LHFPL4: variants seen among roughly 807,000 people sequenced by gnomAD.
LHFPL4 encodes LHFPL tetraspan subfamily member 4 protein.
A neutral mutation model predicts 20.0 loss-of-function variants in LHFPL4; 6 were observed. The observed-to-expected ratio is 0.30, with a 90% CI of 0.16 to 0.59. The LOEUF is 0.59. Among genes scored for constraint, LHFPL4 ranks in the 20% least tolerant of loss-of-function variants. The pLI is 0.88. For missense variants in LHFPL4, 215 were observed against 331.2 expected (o/e 0.65, Z 2.72); for synonymous variants, 129 against 143.8 (o/e 0.90, Z 0.74).
intron 2 of LHFPL4, among the ~76,000 whole-genome samples, chr3:9,547,129 C>T (rs745515499): frequency 2.6e-5 from 4 of 152,230 alleles, no homozygotes; most frequent in Non-Finnish European, 4.4e-5. Flanking sequence ...GCCGGGACCA[C>T]AGGCGAGTGC....
At position 9,506,734 on chromosome 3, in the gene LHFPL4, C is replaced by A. The variant is rs1032085811; in HGVS notation, c.407-531G>T. Among the ~76,000 whole-genome samples the A allele has an allele frequency of 6.6e-6, 1 of 152,170 alleles. No individual in the cohort carries two copies. Among genetic ancestry groups the A allele is most frequent in the Non-Finnish European group, 1.5e-5 (1 of 68,028 alleles). On this transcript the variant is annotated intron_variant, in intron 2 of 3. Coordinates refer to ENST00000287585, the MANE Select transcript of LHFPL4 (RefSeq NM_198560.3). This position sits in a 1 kb window ranked among gnomAD's most constrained non-coding sequence, Gnocchi z 4.5. ...TAGCTGAGACTACAGGTGCCTCCCA[C>A]CATGTCCGGCTCATTTTTGTATTTT... is the stretch of plus-strand genomic sequence containing the variant.
intron 2 of LHFPL4, among the ~76,000 whole-genome samples, chr3:9,544,486 A>G (rs185129229): frequency 4.8e-4 from 73 of 151,940 alleles, no homozygotes; most frequent in African/African-American, 1.6e-3. Flanking sequence ...TTAGCTAGGC[A>G]TGGTGGTGGG....
intron 2 of LHFPL4, among the ~76,000 whole-genome samples, chr3:9,524,176 TTGAGTA>T (rs1258563476): frequency 6.6e-6 from 1 of 152,064 alleles, no homozygotes; most frequent in East Asian, 1.9e-4. Context: ...TTTTTCTAGT[TTGAGTA>T]TATGTCTAGG....
At chr3:9,532,081 A>AGT (rs1370246922) in intron 2 of LHFPL4, among the ~76,000 whole-genome samples, 1 of 152,138 alleles carries the variant, frequency 6.6e-6, no homozygotes, top group Non-Finnish European at 1.5e-5. Flanking sequence ...GCTGGAGTAC[A>AGT]GTGGCACAAT....
intron 2 of LHFPL4, among the ~76,000 whole-genome samples, chr3:9,507,955 A>G (rs1048943229): frequency 1.8e-4 from 28 of 152,184 alleles, no homozygotes; most frequent in Admixed American, 5.9e-4. Context: ...GGGTTACTGT[A>G]TCTGAGACCC....
At position 9,529,131 on chromosome 3, in the gene LHFPL4, C is replaced by T. The variant is rs574600588; in HGVS notation, c.407-22928G>A. ...ACAACCTCTGCCTCCCAGGTTCAAGCGATTCTTCTGCCTCAGCCTCCCAAG... is the reference window on the plus strand; with the variant it reads ...ACAACCTCTGCCTCCCAGGTTCAAGTGATTCTTCTGCCTCAGCCTCCCAAG... On this transcript the variant is annotated intron_variant, in intron 2 of 3. Transcript: ENST00000287585. Among the ~76,000 whole-genome samples the T allele has an allele frequency of 4.6e-5, 7 of 152,048 alleles. No homozygotes were observed. In the East Asian group the frequency reaches 5.8e-4, roughly 13 times the overall value.
intron 2 of LHFPL4, among the ~76,000 whole-genome samples, chr3:9,514,981 G>T (rs537026260): frequency 2.0e-4 from 30 of 152,314 alleles, no homozygotes; most frequent in African/African-American, 7.2e-4. Context: ...GGAGGTTTTG[G>T]TGTAGACATG....
intron 2 of LHFPL4, among the ~76,000 whole-genome samples, chr3:9,519,970 T>G (rs1430114920): frequency 6.6e-6 from 1 of 152,148 alleles, no homozygotes; most frequent in Non-Finnish European, 1.5e-5. Context: ...TTTTTATTAT[T>G]TATTTTCTTC....
intron 2 of LHFPL4, among the ~76,000 whole-genome samples, chr3:9,536,240 G>T (rs535611582): frequency 1.3e-5 from 2 of 152,334 alleles, no homozygotes; most frequent in Admixed American, 6.5e-5. Flanking sequence ...TCCCTACCAG[G>T]TCTGAGCACT....
intron 2 of LHFPL4, among the ~76,000 whole-genome samples, chr3:9,536,235 AC>A (rs2046443533): frequency 6.6e-6 from 1 of 152,214 alleles, no homozygotes; most frequent in South Asian, 2.1e-4. Context: ...GGCCCTCCCT[AC>A]CAGGTCTGAG....
intron 2 of LHFPL4, among the ~76,000 whole-genome samples, chr3:9,514,883 GTTTA>G (rs1466325029): frequency 1.3e-5 from 2 of 152,144 alleles, no homozygotes; most frequent in African/African-American, 2.4e-5. Context: ...ATATGCCATA[GTTTA>G]TTTATACATT....
At chr3:9,542,352 A>G (rs372953009) in intron 2 of LHFPL4, among the ~76,000 whole-genome samples, 1 of 152,228 alleles carries the variant, frequency 6.6e-6, no homozygotes, top group East Asian at 1.9e-4. Context: ...AAAAGGTGGA[A>G]CAACCCAAAT....
intron 2 of LHFPL4, among the ~76,000 whole-genome samples, chr3:9,540,045 G>T (rs2125665803): frequency 6.6e-6 from 1 of 152,294 alleles, no homozygotes; most frequent in East Asian, 1.9e-4. Context: ...ACTGTTGATA[G>T]ATCTGTCAAA....
At chr3:9,538,079 C>G (rs1183885988) in intron 2 of LHFPL4, among the ~76,000 whole-genome samples, 3 of 152,266 alleles carry the variant, frequency 2.0e-5, no homozygotes, top group Admixed American at 1.3e-4. Flanking sequence ...TAACAACTGC[C>G]TTGTCCTCAA....
intron 2 of LHFPL4, among the ~76,000 whole-genome samples, chr3:9,533,251 C>T (rs1559521030): frequency 6.6e-6 from 1 of 152,078 alleles, no homozygotes; most frequent in Non-Finnish European, 1.5e-5. Flanking sequence ...TTCACCAAAA[C>T]ATATGTGCTA....
At chr3:9,511,022 TCTGA>T (rs750455393) in intron 2 of LHFPL4, among the ~76,000 whole-genome samples, 31 of 151,926 alleles carry the variant, frequency 2.0e-4, no homozygotes, top group Non-Finnish European at 3.4e-4. Context: ...GTGCTAAGTT[TCTGA>T]CTTTCATTAT....
intron 2 of LHFPL4, among the ~76,000 whole-genome samples, chr3:9,550,118 T>G (rs149595327): frequency 0.016 from 2,399 of 152,300 alleles, 37 homozygotes; most frequent in Admixed American, 0.034. Context: ...AAAGGCTTAC[T>G]TAACACTGCA....
intron 2 of LHFPL4, among the ~76,000 whole-genome samples, chr3:9,509,025 G>A (rs1574838020): frequency 6.6e-6 from 1 of 152,302 alleles, no homozygotes; most frequent in South Asian, 2.1e-4. Flanking sequence ...GAGCATCCCC[G>A]TCTCCGTGGA....
intron 2 of LHFPL4, among the ~76,000 whole-genome samples, chr3:9,547,453 G>T (rs975397508): frequency 2.6e-5 from 4 of 152,190 alleles, no homozygotes; most frequent in Non-Finnish European, 5.9e-5. Flanking sequence ...TCTGTAATTT[G>T]TGTATTCACT....
Sources: allele counts gnomAD v4.1 joint callset (sites outside exome capture counted in the v4.1 genomes callset), GRCh38; gene constraint gnomAD v4.1.1; non-coding constraint Gnocchi (gnomAD v3.1); transcripts MANE v1.5; gene names NCBI Gene and HGNC (gene_info 2026-07-23, HGNC 2026-07-21).